Variants in RGS20 observed in about 807,000 individuals in gnomAD.
The protein encoded by RGS20 is gz-selective GTPase-activating protein.
Under a neutral mutation model 33.6 loss-of-function variants are expected in RGS20, and 30 were observed. The ratio of observed to expected loss-of-function variants is 0.89; its 90% confidence interval spans 0.67 to 1.21. The LOEUF is 1.21. Among genes scored for constraint, RGS20 ranks in the 50% most tolerant of loss-of-function variants. The pLI is 0.00. For synonymous variants in RGS20, 208 were observed against 197.9 expected (o/e 1.05, Z -0.43); for missense variants, 472 against 502.4 (o/e 0.94, Z 0.58).
chr8:53,938,826 C>T (rs1694801824), intron 2 of RGS20, among the ~76,000 whole-genome samples: 1 of 152,144 alleles, frequency 6.6e-6, no homozygotes, highest in Admixed American at 6.5e-5. Context: ...AACAACAGGG[C>T]AGAGGCTGAA....
chr8:53,879,107 A>C, intron 1 of RGS20: 2 of 665,004 alleles, frequency 3.0e-6, no homozygotes, highest in Non-Finnish European at 5.2e-6. Flanking sequence ...GAGGGGAAAG[A>C]ATCTAACTAT....
At chr8:53,873,533 T>G (rs1302158548) in intron 1 of RGS20, among the ~76,000 whole-genome samples, 1 of 152,248 alleles carries the variant, frequency 6.6e-6, no homozygotes, top group African/African-American at 2.4e-5. Flanking sequence ...CATCATGTTT[T>G]TAAGGTTCAT....
intron 5 of RGS20, among the ~76,000 whole-genome samples, chr8:53,954,877 A>G (rs1198239414): frequency 2.7e-5 from 4 of 150,732 alleles, no homozygotes; most frequent in African/African-American, 2.4e-5. Flanking sequence ...TAGTAGAGAC[A>G]GGGTTTCACC....
chr8:53,874,364 A>AGG (rs1433497986), intron 1 of RGS20, among the ~76,000 whole-genome samples: 10 of 132,796 alleles, frequency 7.5e-5, no homozygotes, highest in Admixed American at 1.5e-4. Context: ...AGAAGCAATA[A>AGG]GGGGTGTGTG....
intron 1 of RGS20, among the ~76,000 whole-genome samples, chr8:53,853,891 C>T (rs1020174271): frequency 1.3e-5 from 2 of 152,070 alleles, no homozygotes; most frequent in African/African-American, 4.8e-5. Context: ...TGGGGTAAGA[C>T]AATTGAAGAA....
chr8:53,943,584 C>T (rs536566134), intron 3 of RGS20, among the ~76,000 whole-genome samples: 5 of 152,110 alleles, frequency 3.3e-5, no homozygotes, highest in Admixed American at 6.6e-5. Flanking sequence ...AACAGTGGAC[C>T]GAGGTAAAGA....
At chr8:53,869,775 G>A (rs954791348) in intron 1 of RGS20, among the ~76,000 whole-genome samples, 1 of 152,186 alleles carries the variant, frequency 6.6e-6, no homozygotes, top group Non-Finnish European at 1.5e-5. Flanking sequence ...AAGAGAACAT[G>A]GAAAGGTTTA....
chr8:53,882,417 G>A (rs1812416810), intron 2 of RGS20, among the ~76,000 whole-genome samples: 1 of 152,112 alleles, frequency 6.6e-6, no homozygotes. Flanking sequence ...CAGGGACGCG[G>A]CCGTGCGAGA....
intron 1 of RGS20, among the ~76,000 whole-genome samples, chr8:53,874,367 G>GGTGTGTGTGT (rs138636662): frequency 2.0e-4 from 30 of 146,580 alleles, no homozygotes; most frequent in African/African-American, 5.3e-4. Context: ...AGCAATAAGG[G>GGTGTGTGTGT]GTGTGTGTGT....
chr8:53,875,863 G>A (rs1011275635), intron 1 of RGS20, among the ~76,000 whole-genome samples: 5 of 152,190 alleles, frequency 3.3e-5, no homozygotes, highest in African/African-American at 1.2e-4. Context: ...AACATATTAT[G>A]AAGAGTTGGG....
rs557216980 is a variant in RGS20 at position 53,877,368 on chromosome 8, G to A, written c.166-1890G>A. ...GAGTGGGGCGCAGACGCGGCCGCCG[G>A]CCCGCAGTCCCCCGCAGGTGCCGCC... On this transcript the variant is annotated intron_variant, in intron 1 of 5. Transcript: ENST00000297313. This position sits in a 1 kb window ranked among gnomAD's most constrained non-coding sequence, Gnocchi z 5.7. 6.8e-3 allele frequency among the ~76,000 whole-genome samples: 1,030 copies of A among 152,254 alleles called. 14 individuals carry two copies. The highest frequency in any genetic ancestry group is 0.024 in the African/African-American group (987 of 41,564).
chr8:53,947,606 GTACA>G (rs1427355452), intron 4 of RGS20, among the ~76,000 whole-genome samples: 1 of 113,702 alleles, frequency 8.8e-6, no homozygotes, highest in Non-Finnish European at 1.7e-5. Flanking sequence ...ATAGGATATA[GTACA>G]TACATTTATA....
chr8:53,913,035 A>C (rs1187425488), intron 2 of RGS20, among the ~76,000 whole-genome samples: 1 of 151,556 alleles, frequency 6.6e-6, no homozygotes, highest in African/African-American at 2.4e-5. Flanking sequence ...GTGCAAACTC[A>C]GCTCACTGCA....
intron 2 of RGS20, among the ~76,000 whole-genome samples, chr8:53,885,898 A>T (rs4014054): frequency 0.43 from 64,645 of 151,154 alleles, 16,898 homozygotes; most frequent in Middle Eastern, 0.61. Flanking sequence ...AGACAGAAGG[A>T]CAGGGCATTA....
chr8:53,878,839 G>A (rs920141870), intron 1 of RGS20, among the ~76,000 whole-genome samples: 3 of 152,180 alleles, frequency 2.0e-5, no homozygotes, highest in Admixed American at 6.5e-5. Flanking sequence ...GAGGGGAAGA[G>A]CAACAGTTAC....
intron 3 of RGS20, among the ~76,000 whole-genome samples, chr8:53,943,408 TC>T (rs1262204765): frequency 6.6e-6 from 1 of 152,204 alleles, no homozygotes; most frequent in Non-Finnish European, 1.5e-5. Flanking sequence ...TGATTCTTGT[TC>T]AGTTGAATAT....
At chr8:53,871,674 T>C (rs1404584482) in intron 1 of RGS20, among the ~76,000 whole-genome samples, 4 of 152,150 alleles carry the variant, frequency 2.6e-5, no homozygotes. Context: ...TCCTTTCCAG[T>C]GATGCCTGCT....
rs563603679 is a variant in RGS20, at chr8:53,857,949, C to T, written c.165+5885C>T. Reference sequence around the variant, plus strand: ...GATATGTTAGCTTTATTTAAGGTTTCTACCATGTATACAAATATTAAAACA... The same window carrying T: ...GATATGTTAGCTTTATTTAAGGTTTTTACCATGTATACAAATATTAAAACA... On this transcript the variant is annotated intron_variant, in intron 1 of 5. Transcript: ENST00000297313. Among the ~76,000 whole-genome samples, 5 of 152,004 alleles carry T rather than the reference C, an allele frequency of 3.3e-5. No individual in the cohort carries two copies. In the South Asian group the frequency reaches 1.0e-3, roughly 32 times the overall value.
At position 53,851,891 on chromosome 8, in the gene RGS20, T is replaced by A. The variant is rs754393024; in HGVS notation, c.-9T>A. 1 of 1,613,752 alleles carries A rather than the reference T, an allele frequency of 6.2e-7. No individual in the cohort carries two copies. Among genetic ancestry groups the A allele is most frequent in the Non-Finnish European group, 8.5e-7 (1 of 1,179,800 alleles). ...AACAGGACTCATTTGGGGCCTTTAT[T>A]GTGAAAACATGCCCCAGCTTTCCCA... is the stretch of plus-strand genomic sequence containing the variant. On this transcript the variant is annotated 5_prime_UTR_variant, in exon 1 of 6. Transcript: ENST00000297313.
Sources: allele counts gnomAD v4.1 joint callset (sites outside exome capture counted in the v4.1 genomes callset), GRCh38; gene constraint gnomAD v4.1.1; non-coding constraint Gnocchi (gnomAD v3.1); transcripts MANE v1.5; gene names NCBI Gene and HGNC (gene_info 2026-07-23, HGNC 2026-07-21).